The following FAR1 variants were observed in gnomAD, a reference collection of about 807,000 sequenced individuals.
The protein encoded by FAR1 is male sterility domain-containing protein 2.
Under a neutral mutation model 61.1 loss-of-function variants are expected in FAR1, and 22 were observed. That is an observed-to-expected ratio of 0.36 (90% CI 0.26 to 0.51). The LOEUF (loss-of-function observed/expected upper bound fraction) is 0.51. Among genes scored for constraint, FAR1 ranks in the 20% least tolerant of loss-of-function variants. The pLI is 0.95. For synonymous variants in FAR1, 206 were observed against 209.7 expected, an observed-to-expected ratio of 0.98 and a Z score of 0.15; for missense variants, 359 against 626.9, an observed-to-expected ratio of 0.57 and a Z score of 4.56.
intron 1 of FAR1, chr11:13,685,456 C>A: frequency 4.7e-6 from 1 of 214,522 alleles, no homozygotes; most frequent in Non-Finnish European, 1.0e-5. Flanking sequence ...TGGTTGTGAT[C>A]TTGACATAGC....
At chr11:13,728,030 CTT>C (rs1848684556) in intron 11 of FAR1, among the ~76,000 whole-genome samples, 1 of 151,838 alleles carries the variant, frequency 6.6e-6, no homozygotes, top group African/African-American at 2.4e-5. Context: ...ATTCGAACCT[CTT>C]TTCTCTACAT....
At chr11:13,671,821 C>G (rs1848008041) in intron 1 of FAR1, among the ~76,000 whole-genome samples, 1 of 152,142 alleles carries the variant, frequency 6.6e-6, no homozygotes, top group Non-Finnish European at 1.5e-5. Context: ...TGATGCCAGG[C>G]ACTGTAGTAA....
chr11:13,711,950 C>T lies in FAR1; in HGVS notation c.791C>T (p.Thr264Ile), dbSNP rs144916080. The T allele has an allele frequency of 2.5e-5, 40 of 1,613,114 alleles. 1 individual carries two copies. In the African/African-American group the frequency reaches 2.7e-4, roughly 11 times the overall value. The change falls in exon 7 of 12, where the codon ACA (threonine) becomes ATA (isoleucine). Residue 264 changes from threonine to isoleucine, a missense_variant. Physicochemically the swap from Thr to Ile is moderately conservative, Grantham distance 89. Transcript: ENST00000354817. Reference sequence around the variant, plus strand: ...AAGGCAGGGAAAGGAATTCTTCGAACAATACGTGCCTCCAACAATGCCCTT... The same window carrying T: ...AAGGCAGGGAAAGGAATTCTTCGAATAATACGTGCCTCCAACAATGCCCTT... ...FIAAGKGILR[T>I]IRASNNALAD...
chr11:13,727,436 G>A (rs1331986763), intron 10 of FAR1, 120 bp from the exon 11 acceptor site: 2 of 803,860 alleles, frequency 2.5e-6, no homozygotes, highest in Non-Finnish European at 3.7e-6. Flanking sequence ...AGTTAATTCT[G>A]TATTTAAGAA....
chr11:13,691,894 G>A (rs1426373049), intron 1 of FAR1, among the ~76,000 whole-genome samples: 1 of 152,208 alleles, frequency 6.6e-6, no homozygotes, highest in Non-Finnish European at 1.5e-5. Context: ...TTGACCGGGT[G>A]TGGTGGCTCA....
chr11:13,728,651 G>A lies in FAR1; in HGVS notation c.1425G>A (p.Val475=). 1 of 1,612,226 alleles carries A rather than the reference G, an allele frequency of 6.2e-7. No homozygotes were observed. Among genetic ancestry groups the A allele is most frequent in the Non-Finnish European group, 8.5e-7 (1 of 1,178,686 alleles). ...GTTATGGTTTTAATACTATCCTTGT[G>A]ATCCTCATCTGGCGCATTTTTATTG... is the stretch of plus-strand genomic sequence containing the variant. ...NIRYGFNTIL[V]ILIWRIFIAR... is the part of the protein sequence containing the mutation. The change falls in exon 12 of 12, where the codon GTG becomes GTA. Residue 475 remains valine (V), a synonymous_variant. Transcript: ENST00000354817.
chr11:13,680,214 G>A (rs549590131), intron 1 of FAR1, among the ~76,000 whole-genome samples: 119 of 152,108 alleles, frequency 7.8e-4, no homozygotes, highest in Non-Finnish European at 1.5e-3. Context: ...GTACACTTTG[G>A]GTTTGCATTT....
At chr11:13,722,427 C>T (rs193060599) in intron 10 of FAR1, among the ~76,000 whole-genome samples, 47 of 152,052 alleles carry the variant, frequency 3.1e-4, no homozygotes, top group Non-Finnish European at 5.6e-4. Flanking sequence ...CTCCCACTCA[C>T]TTAAAATGGT....
At chr11:13,693,211 A>C (rs570710349) in intron 1 of FAR1, among the ~76,000 whole-genome samples, 1 of 152,182 alleles carries the variant, frequency 6.6e-6, no homozygotes, top group Non-Finnish European at 1.5e-5. Context: ...AATCACAAAA[A>C]AGCTAATGAT....
intron 2 of FAR1, among the ~76,000 whole-genome samples, chr11:13,699,468 A>C (rs1484180666): frequency 1.3e-5 from 2 of 152,228 alleles, no homozygotes; most frequent in Non-Finnish European, 2.9e-5. Flanking sequence ...GGAATGTGGA[A>C]GTGAGCACTG....
intron 1 of FAR1, among the ~76,000 whole-genome samples, chr11:13,678,295 C>G (rs1276815188): frequency 6.6e-6 from 1 of 151,992 alleles, no homozygotes; most frequent in African/African-American, 2.4e-5. Flanking sequence ...GACTGAGTCT[C>G]GCTGTGTCGC....
At chr11:13,684,762 C>T (rs1354077222) in intron 1 of FAR1, among the ~76,000 whole-genome samples, 1 of 152,104 alleles carries the variant, frequency 6.6e-6, no homozygotes, top group Non-Finnish European at 1.5e-5. Flanking sequence ...CATTTAGTTT[C>T]CTAATAGCTC....
intron 10 of FAR1, among the ~76,000 whole-genome samples, chr11:13,725,321 T>G (rs1422425220): frequency 6.6e-6 from 1 of 152,146 alleles, no homozygotes; most frequent in East Asian, 1.9e-4. Context: ...ATCCACATCC[T>G]CCATAACACT....
At chr11:13,697,227 C>T (rs1198627384) in intron 2 of FAR1, among the ~76,000 whole-genome samples, 1 of 151,886 alleles carries the variant, frequency 6.6e-6, no homozygotes, top group African/African-American at 2.4e-5. Context: ...TGGGAGGCCA[C>T]GGCTGGTGGG....
intron 4 of FAR1, among the ~76,000 whole-genome samples, chr11:13,708,447 G>GCACGCACACACACACACA: frequency 7.3e-6 from 1 of 136,700 alleles, no homozygotes; most frequent in African/African-American, 2.8e-5. Flanking sequence ...GCGCGCGCGC[G>GCACGCACACACACACACA]CACACACACA....
At chr11:13,689,130 G>A (rs1848219842) in intron 1 of FAR1, among the ~76,000 whole-genome samples, 1 of 152,162 alleles carries the variant, frequency 6.6e-6, no homozygotes, top group South Asian at 2.1e-4. Flanking sequence ...AGGCAAACTA[G>A]GACATATGAT....
chr11:13,676,646 T>C (rs1456134971), intron 1 of FAR1, among the ~76,000 whole-genome samples: 1 of 152,156 alleles, frequency 6.6e-6, no homozygotes, highest in African/African-American at 2.4e-5. Flanking sequence ...TAAAAACTTG[T>C]GGATTGTAAT....
intron 1 of FAR1, among the ~76,000 whole-genome samples, chr11:13,672,450 G>A (rs571660909): frequency 6.6e-6 from 1 of 151,780 alleles, no homozygotes; most frequent in Non-Finnish European, 1.5e-5. Flanking sequence ...CAGCTACTTG[G>A]GGGGCTGAGA....
chr11:13,703,010 T>C (rs1191562524), intron 3 of FAR1, among the ~76,000 whole-genome samples: 5 of 152,244 alleles, frequency 3.3e-5, no homozygotes, highest in African/African-American at 9.6e-5. Flanking sequence ...AAAGCATCTA[T>C]GTTCACTGAC....
Sources: allele counts gnomAD v4.1 joint callset (sites outside exome capture counted in the v4.1 genomes callset), GRCh38; gene constraint gnomAD v4.1.1; transcripts MANE v1.5; gene names NCBI Gene and HGNC (gene_info 2026-07-23, HGNC 2026-07-21).